Variants in ARPP21 observed in about 807,000 individuals in gnomAD.
ARPP21 encodes cAMP regulated phosphoprotein 21.
A neutral mutation model predicts 113.2 loss-of-function variants in ARPP21; 69 were observed. The observed-to-expected ratio is 0.61, with a 90% CI of 0.50 to 0.74. The LOEUF is 0.74. Ranked by LOEUF, ARPP21 falls within the 30% of genes least tolerant of loss-of-function variation. The pLI is 0.00. For synonymous variants in ARPP21, 368 were observed against 375.5 expected, an observed-to-expected ratio of 0.98 and a Z score of 0.23; for missense variants, 1,070 against 1,037.4, an observed-to-expected ratio of 1.03 and a Z score of -0.43.
At chr3:35,661,309 G>T (rs1268926519) in intron 1 of ARPP21, among the ~76,000 whole-genome samples, 1 of 152,128 alleles carries the variant, frequency 6.6e-6, no homozygotes, top group African/African-American at 2.4e-5. Context: ...TATATCGTGA[G>T]AATGGTGAAT....
At chr3:35,745,201 T>C (rs1423943219) in intron 19 of ARPP21, among the ~76,000 whole-genome samples, 1 of 152,218 alleles carries the variant, frequency 6.6e-6, no homozygotes, top group African/African-American at 2.4e-5. Context: ...TATTTATTTT[T>C]AAAAAATCAC....
rs1254125614 is a variant in ARPP21 at position 35,737,373 on chromosome 3, G to A, written c.1644+11G>A. ...CCTCTGGTCACTCAGGTAGGGGGCT[G>A]GTTGGAAGGCAGGGAAGGGAAGTAC... On this transcript the variant is annotated intron_variant, in intron 16 of 20. Coordinates refer to ENST00000684406, the MANE Select transcript of ARPP21 (RefSeq NM_001385562.1). 2 of 1,589,824 alleles carry A rather than the reference G, an allele frequency of 1.3e-6. No individual in the cohort carries two copies. The highest frequency in any genetic ancestry group is 1.7e-5 in the Admixed American group (1 of 58,544).
chr3:35,733,888 C>A lies in ARPP21; in HGVS notation c.1460-3290C>A, dbSNP rs2094167268. On this transcript the variant is annotated intron_variant, in intron 15 of 20. Transcript: ENST00000684406. The stretch of plus-strand genomic sequence containing the variant: ...ATTTAGAAACATCTCCTTCTTCTAG[C>A]CCACAGCATATTAATCATATTTCAA... Among the ~76,000 whole-genome samples, 3 of 152,260 alleles carry A rather than the reference C, an allele frequency of 2.0e-5. 1 individual carries two copies. In the South Asian group the frequency reaches 6.2e-4, roughly 32 times the overall value.
At chr3:35,773,943 G>A (rs1239472097) in intron 19 of ARPP21, among the ~76,000 whole-genome samples, 1 of 152,120 alleles carries the variant, frequency 6.6e-6, no homozygotes, top group Non-Finnish European at 1.5e-5. Context: ...AGGAGGTACT[G>A]GGGACACATT....
chr3:35,766,722 T>C (rs1210085337), intron 19 of ARPP21, among the ~76,000 whole-genome samples: 1 of 152,178 alleles, frequency 6.6e-6, no homozygotes, highest in Non-Finnish European at 1.5e-5. Flanking sequence ...AACAATAAGT[T>C]ATCATTTTAC....
chr3:35,695,508 A>T (rs1046070331), intron 9 of ARPP21, among the ~76,000 whole-genome samples: 1 of 151,532 alleles, frequency 6.6e-6, no homozygotes, highest in African/African-American at 2.4e-5. Flanking sequence ...TGAAAAATGT[A>T]GTGCAACTCT....
At chr3:35,684,472 GAC>G in intron 5 of ARPP21, 4 of 983,516 alleles carry the variant, frequency 4.1e-6, no homozygotes, top group Non-Finnish European at 4.8e-6. Flanking sequence ...ATTATTTCAT[GAC>G]AAAATGGGAA....
intron 19 of ARPP21, among the ~76,000 whole-genome samples, chr3:35,746,666 C>G (rs1349058244): frequency 6.6e-6 from 1 of 152,178 alleles, no homozygotes; most frequent in Non-Finnish European, 1.5e-5. Context: ...CCTCAGCTAT[C>G]ACGTGGTTAA....
intron 1 of ARPP21, among the ~76,000 whole-genome samples, chr3:35,659,536 C>T (rs1469651749): frequency 4.6e-5 from 7 of 152,020 alleles, no homozygotes; most frequent in African/African-American, 1.7e-4. Flanking sequence ...AAGCACAATC[C>T]CTGCCCTTGG....
chr3:35,743,223 C>T (rs2094786837), intron 18 of ARPP21, among the ~76,000 whole-genome samples: 1 of 152,160 alleles, frequency 6.6e-6, no homozygotes. Context: ...AAAAGCAATT[C>T]AAGTTAGATA....
chr3:35,656,301 A>C lies in ARPP21; in HGVS notation c.-213+15903A>C, dbSNP rs560765908. On this transcript the variant is annotated intron_variant, in intron 1 of 20. Coordinates refer to ENST00000684406, the MANE Select transcript of ARPP21 (RefSeq NM_001385562.1). ...CACAAGACTGGATATTCTAAAAATC[A>C]AGGAAAATTTTAAAATAAAAATTGG... Among the ~76,000 whole-genome samples the C allele has an allele frequency of 2.6e-5, 4 of 152,208 alleles. No homozygotes were observed. In the South Asian group the frequency reaches 8.3e-4, roughly 32 times the overall value.
At chr3:35,652,709 T>A (rs1014017616) in intron 1 of ARPP21, among the ~76,000 whole-genome samples, 3 of 152,050 alleles carry the variant, frequency 2.0e-5, no homozygotes, top group African/African-American at 7.2e-5. Context: ...GTATTCCTGA[T>A]GAGGTACATC....
At chr3:35,677,895 T>A (rs1461174967) in intron 1 of ARPP21, among the ~76,000 whole-genome samples, 1 of 151,966 alleles carries the variant, frequency 6.6e-6, no homozygotes, top group Non-Finnish European at 1.5e-5. Context: ...GAGAACAATT[T>A]TAATCAGTTA....
At chr3:35,785,126 T>C (rs2096602484) in intron 19 of ARPP21, 5 of 152,190 alleles carry the variant, frequency 3.3e-5, no homozygotes, top group African/African-American at 9.6e-5. Flanking sequence ...TGCCCCAAGC[T>C]TGGTCTGGGG....
chr3:35,735,132 C>A (rs1299391967), intron 15 of ARPP21, among the ~76,000 whole-genome samples: 1 of 151,564 alleles, frequency 6.6e-6, no homozygotes, highest in Non-Finnish European at 1.5e-5. Flanking sequence ...TTTTATTTTT[C>A]TTTTTAAGAC....
intron 14 of ARPP21, among the ~76,000 whole-genome samples, chr3:35,727,175 G>A (rs540685322): frequency 6.6e-5 from 10 of 152,282 alleles, no homozygotes; most frequent in African/African-American, 2.2e-4. Flanking sequence ...AAGTCATGGG[G>A]AAAGCAAGAG....
At chr3:35,781,374 T>G (rs1214351010) in intron 19 of ARPP21, 1 of 152,190 alleles carries the variant, frequency 6.6e-6, no homozygotes, top group Non-Finnish European at 1.5e-5. Flanking sequence ...CTAGTCAAGA[T>G]GGAAACAGCC....
At chr3:35,645,795 T>C (rs1374738867) in intron 1 of ARPP21, among the ~76,000 whole-genome samples, 2 of 151,962 alleles carry the variant, frequency 1.3e-5, no homozygotes, top group Admixed American at 6.6e-5. Flanking sequence ...TTCATATACT[T>C]AGCAGATTTC....
chr3:35,653,313 T>C (rs747569896), intron 1 of ARPP21, among the ~76,000 whole-genome samples: 2 of 152,012 alleles, frequency 1.3e-5, no homozygotes, highest in Non-Finnish European at 2.9e-5. Context: ...CTTTGTAATA[T>C]GAATTACCCT....
Sources: allele counts gnomAD v4.1 joint callset (sites outside exome capture counted in the v4.1 genomes callset), GRCh38; gene constraint gnomAD v4.1.1; transcripts MANE v1.5; gene names NCBI Gene and HGNC (gene_info 2026-07-23, HGNC 2026-07-21).